The following ATXN10 variants were observed in gnomAD, a reference collection of about 807,000 sequenced individuals.
ATXN10 encodes the protein ataxin-10.
ATXN10 carries 28 observed loss-of-function variants against 52.9 expected under a neutral mutation model. That is an observed-to-expected ratio of 0.53 (90% CI 0.39 to 0.73). ATXN10 has a LOEUF of 0.73. Ranked by LOEUF, ATXN10 falls within the 30% of genes least tolerant of loss-of-function variation. The probability of loss-of-function intolerance (pLI) is 0.00; values close to 1 mark genes in which losing one functional copy is unlikely to be tolerated. For missense variants in ATXN10, 565 were observed against 577.0 expected (o/e 0.98, Z 0.21); for synonymous variants, 226 against 221.5 (o/e 1.02, Z -0.18).
In ATXN10 at chr22:45,684,105, A is replaced by G. The variant is rs1456858652; in HGVS notation, c.117-5607A>G. Among the ~76,000 whole-genome samples, 1 of 150,624 alleles carries G rather than the reference A, an allele frequency of 6.6e-6. No individual in the cohort carries two copies. The highest frequency in any genetic ancestry group is 2.4e-5 in the African/African-American group (1 of 40,896). ...TAGCTGGGACTACGAGGCACAGACCATCAAGCCCAGCTAATTAAAACAAGT... is the reference window on the plus strand; with the variant it reads ...TAGCTGGGACTACGAGGCACAGACCGTCAAGCCCAGCTAATTAAAACAAGT... On this transcript the variant is annotated intron_variant, in intron 1 of 11. Coordinates refer to ENST00000252934, the MANE Select transcript of ATXN10 (RefSeq NM_013236.4). The surrounding 1 kb of genome is among the most constrained non-coding windows in gnomAD (Gnocchi z 4.1).
chr22:45,811,164 T>C (rs1451998173), intron 10 of ATXN10, among the ~76,000 whole-genome samples: 3 of 152,228 alleles, frequency 2.0e-5, no homozygotes, highest in Non-Finnish European at 2.9e-5. Flanking sequence ...ACATAAATTT[T>C]CCCTTTATAT....
chr22:45,684,440 T>C lies in ATXN10; in HGVS notation c.117-5272T>C, dbSNP rs1389843506. Among the ~76,000 whole-genome samples the C allele has an allele frequency of 6.6e-6, 1 of 152,150 alleles. No individual in the cohort carries two copies. The highest frequency in any genetic ancestry group is 1.5e-5 in the Non-Finnish European group (1 of 68,022). ...AGATCTGGCCTACTACCTGTTTTTTTTATGACCCATGAGTTAAGAATGGTT... is the reference window on the plus strand; with the variant it reads ...AGATCTGGCCTACTACCTGTTTTTTCTATGACCCATGAGTTAAGAATGGTT... On this transcript the variant is annotated intron_variant, in intron 1 of 11. Transcript: ENST00000252934. The surrounding 1 kb of genome is among the most constrained non-coding windows in gnomAD (Gnocchi z 4.1).
At position 45,716,061 on chromosome 22, in the gene ATXN10, A is replaced by G. The variant is rs1601603404; in HGVS notation, c.648-2352A>G. ...GATAGCTTGAGGCCAGGAGTTCAAG[A>G]CCAGCCAGAGCAACATAGTAAGACA... On this transcript the variant is annotated intron_variant, in intron 5 of 11. Transcript: ENST00000252934. Among the ~76,000 whole-genome samples, 3 of 152,176 alleles carry G rather than the reference A, an allele frequency of 2.0e-5. No homozygotes were observed. The South Asian group carries it at 6.2e-4, about 32-fold the overall frequency.
rs1014742136 is a variant in ATXN10, at chr22:45,784,425, A to C, written c.1174-22534A>C. ...TTTCCCATTTTCAAGCAGAGCTAAC[A>C]CAGCTTCTAAGACATATGATCTTGA... On this transcript the variant is annotated intron_variant, in intron 9 of 11. Transcript: ENST00000252934. The surrounding 1 kb of genome is among the most constrained non-coding windows in gnomAD (Gnocchi z 4.2). 5.3e-5 allele frequency among the ~76,000 whole-genome samples: 8 copies of C among 152,260 alleles called. No individual in the cohort carries two copies. Among genetic ancestry groups the C allele is most frequent in the African/African-American group, 1.9e-4 (8 of 41,552 alleles).
chr22:45,736,975 G>A (rs1925322083), intron 7 of ATXN10, among the ~76,000 whole-genome samples: 11 of 152,178 alleles, frequency 7.2e-5, no homozygotes, highest in Admixed American at 6.5e-4. Context: ...TAGGTTCTGT[G>A]AGGTACACTG....
rs1923609937 is a variant in ATXN10 at position 45,696,490 on chromosome 22, A to G, written c.391+3412A>G. On this transcript the variant is annotated intron_variant, in intron 3 of 11. Transcript: ENST00000252934. The surrounding 1 kb of genome is among the most constrained non-coding windows in gnomAD (Gnocchi z 4.7). ...GTACAAATGCTGTGATTAAATAACT[A>G]TTAGAATGGAGCCAGCCCCTCCACC... Among the ~76,000 whole-genome samples, 1 of 152,204 alleles carries G rather than the reference A, an allele frequency of 6.6e-6. No homozygotes were observed. The highest frequency in any genetic ancestry group is 2.4e-5 in the African/African-American group (1 of 41,452).
intron 9 of ATXN10, among the ~76,000 whole-genome samples, chr22:45,778,473 T>C (rs1253399043): frequency 6.6e-6 from 1 of 152,320 alleles, no homozygotes; most frequent in South Asian, 2.1e-4. Flanking sequence ...GAGTACATGC[T>C]CAGTGTGTTC....
In ATXN10 at chr22:45,718,429, G is replaced by T; in HGVS notation, c.664G>T (p.Asp222Tyr). 5.6e-6 allele frequency: 9 copies of T among 1,613,426 alleles called. No individual in the cohort carries two copies. Among genetic ancestry groups the T allele is most frequent in the Non-Finnish European group, 7.6e-6 (9 of 1,179,560 alleles). Reference sequence around the variant, plus strand: ...TTTCCCTAGGTTCTTGATTATTACAGACCTCTTTCTGAAAAGCCCGGAATT... The same window carrying T: ...TTTCCCTAGGTTCTTGATTATTACATACCTCTTTCTGAAAAGCCCGGAATT... ...ESEWPFLIIT[D>Y]LFLKSPELVQ... is the part of the protein sequence containing the mutation. Residue 222 changes from aspartate to tyrosine, a missense_variant, in exon 6 of 12, where the codon GAC becomes TAC. Asp to Tyr is a radical substitution (Grantham distance 160). Coordinates refer to ENST00000252934, the MANE Select transcript of ATXN10 (RefSeq NM_013236.4). This position sits in a 1 kb window ranked among gnomAD's most constrained non-coding sequence, Gnocchi z 4.4.
intron 1 of ATXN10, chr22:45,676,331 C>G (rs1922688480): frequency 6.6e-6 from 1 of 151,968 alleles, no homozygotes; most frequent in East Asian, 2.0e-4. Flanking sequence ...ATCTCCAGAC[C>G]CCACAAAGTG....
At position 45,774,251 on chromosome 22, in the gene ATXN10, CTG is replaced by C. The variant is rs964018541; in HGVS notation, c.1174-32705_1174-32704del. Among the ~76,000 whole-genome samples the C allele has an allele frequency of 6.6e-6, 1 of 152,250 alleles. No homozygotes were observed. Among genetic ancestry groups the C allele is most frequent in the African/African-American group, 2.4e-5 (1 of 41,474 alleles). On this transcript the variant is annotated intron_variant, in intron 9 of 11. Transcript: ENST00000252934. This position sits in a 1 kb window ranked among gnomAD's most constrained non-coding sequence, Gnocchi z 6.2. Reference sequence around the variant, plus strand: ...GGGGGAGTTTTTGGCCTCCATAACTCTGTGACTGTTGACCATGGCCATCTGTC... The same window carrying C: ...GGGGGAGTTTTTGGCCTCCATAACTCTGACTGTTGACCATGGCCATCTGTC...
At chr22:45,700,671 A>C (rs1442140067) in intron 4 of ATXN10, among the ~76,000 whole-genome samples, 2 of 152,214 alleles carry the variant, frequency 1.3e-5, no homozygotes, top group East Asian at 3.8e-4. Flanking sequence ...ATTGTATATC[A>C]GTTTACTTTT....
chr22:45,746,809 C>G (rs971976173), intron 9 of ATXN10, among the ~76,000 whole-genome samples: 1 of 152,208 alleles, frequency 6.6e-6, no homozygotes, highest in Non-Finnish European at 1.5e-5. Flanking sequence ...TTACACTCTA[C>G]CTATAATCAG....
At chr22:45,694,960 A>AC (rs1923541229) in intron 3 of ATXN10, among the ~76,000 whole-genome samples, 1 of 150,428 alleles carries the variant, frequency 6.6e-6, no homozygotes, top group African/African-American at 2.4e-5. Flanking sequence ...AAAAAAAAAA[A>AC]AAAAAACAAA....
rs1442612241 is a variant in ATXN10 at position 45,816,956 on chromosome 22, G to A, written c.1237+9934G>A. 6.6e-6 allele frequency among the ~76,000 whole-genome samples: 1 copy of A among 152,198 alleles called. No homozygotes were observed. Among genetic ancestry groups the A allele is most frequent in the Non-Finnish European group, 1.5e-5 (1 of 68,034 alleles). On this transcript the variant is annotated intron_variant, in intron 10 of 11. Coordinates refer to ENST00000252934, the MANE Select transcript of ATXN10 (RefSeq NM_013236.4). This position sits in a 1 kb window ranked among gnomAD's most constrained non-coding sequence, Gnocchi z 5.8. ...AGCAGCCGGAAGGAGGCTCCTCAGG[G>A]AAGTGTCTTAAACACCTCGAGATGG...
chr22:45,724,950 A>G (rs557386905), intron 6 of ATXN10, among the ~76,000 whole-genome samples: 2 of 152,160 alleles, frequency 1.3e-5, no homozygotes, highest in South Asian at 4.2e-4. Context: ...CTTTTATGGA[A>G]GGTTAGTTGA....
rs1011001049 is a variant in ATXN10, at chr22:45,696,560, C to T, written c.391+3482C>T. Among the ~76,000 whole-genome samples, 1 of 152,254 alleles carries T rather than the reference C, an allele frequency of 6.6e-6. No homozygotes were observed. The highest frequency in any genetic ancestry group is 1.5e-5 in the Non-Finnish European group (1 of 68,048). On this transcript the variant is annotated intron_variant, in intron 3 of 11. Transcript: ENST00000252934. The surrounding 1 kb of genome is among the most constrained non-coding windows in gnomAD (Gnocchi z 4.7). ...CACTTGCCCACGCAGAAGCTTTTCT[C>T]CTGAAATTATCCCCTTGCTCTCAGG... is the stretch of plus-strand genomic sequence containing the variant.
At position 45,818,606 on chromosome 22, in the gene ATXN10, T is replaced by TCAGGGATCAACAGCCTGGGG. The variant is rs1422443246; in HGVS notation, c.1237+11594_1237+11613dup. 6.6e-6 allele frequency among the ~76,000 whole-genome samples: 1 copy of TCAGGGATCAACAGCCTGGGG among 151,976 alleles called. No homozygotes were observed. The highest frequency in any genetic ancestry group is 2.4e-5 in the African/African-American group (1 of 41,322). On this transcript the variant is annotated intron_variant, in intron 10 of 11. Transcript: ENST00000252934. This position sits in a 1 kb window ranked among gnomAD's most constrained non-coding sequence, Gnocchi z 4.6. ...CGCTTTCAGCGGACCGGGGCAGGGA[T>TCAGGGATCAACAGCCTGGGG]CAGGGATCAACAGCCTGGGGCAGGG... is the stretch of plus-strand genomic sequence containing the variant.
intron 9 of ATXN10, among the ~76,000 whole-genome samples, chr22:45,747,476 C>A (rs1479256512): frequency 6.6e-6 from 1 of 150,980 alleles, no homozygotes; most frequent in Non-Finnish European, 1.5e-5. Context: ...TGTGTTCTAG[C>A]CTCGGTGAGG....
intron 8 of ATXN10, among the ~76,000 whole-genome samples, chr22:45,740,021 A>G (rs1310959168): frequency 2.0e-5 from 3 of 152,192 alleles, no homozygotes; most frequent in African/African-American, 7.2e-5. Flanking sequence ...GTTATTAGAA[A>G]AGTTCTTTCA....
Sources: allele counts gnomAD v4.1 joint callset (sites outside exome capture counted in the v4.1 genomes callset), GRCh38; gene constraint gnomAD v4.1.1; non-coding constraint Gnocchi (gnomAD v3.1); transcripts MANE v1.5; gene names NCBI Gene and HGNC (gene_info 2026-07-23, HGNC 2026-07-21).